Variants in CNTN1 observed in about 807,000 individuals in gnomAD.
CNTN1 encodes the protein contactin-1.
A neutral mutation model predicts 126.4 loss-of-function variants in CNTN1; 38 were observed. The observed-to-expected ratio is 0.30, with a 90% CI of 0.23 to 0.39. CNTN1 has a LOEUF of 0.39. CNTN1 is among the 10% of genes least tolerant of loss of function. CNTN1 has a pLI of 1.00. For missense variants in CNTN1, 1,009 were observed against 1,248.4 expected (o/e 0.81, Z 2.89); for synonymous variants, 413 against 422.6 (o/e 0.98, Z 0.28).
At chr12:40,696,929 A>G (rs1288144115) in intron 1 of CNTN1, among the ~76,000 whole-genome samples, 1 of 152,200 alleles carries the variant, frequency 6.6e-6, no homozygotes, top group African/African-American at 2.4e-5. Context: ...TTTACAGTGA[A>G]CATTCACTTT....
intron 1 of CNTN1, among the ~76,000 whole-genome samples, chr12:40,855,234 T>C (rs1421624359): frequency 6.6e-6 from 1 of 152,148 alleles, no homozygotes; most frequent in African/African-American, 2.4e-5. Context: ...CTCATATACT[T>C]GTGAATTGAC....
At chr12:40,734,761 A>G (rs1942578966) in intron 1 of CNTN1, among the ~76,000 whole-genome samples, 1 of 152,156 alleles carries the variant, frequency 6.6e-6, no homozygotes. Context: ...ATATAACATA[A>G]TAAGCATGCT....
At chr12:41,069,694 C>CCTAA (rs1212487414) in intron 23 of CNTN1, among the ~76,000 whole-genome samples, 2 of 151,124 alleles carry the variant, frequency 1.3e-5, no homozygotes, top group African/African-American at 4.9e-5. Flanking sequence ...ACTGCTGGAT[C>CCTAA]ATAGGGACAG....
At chr12:40,959,383 C>G in intron 15 of CNTN1, 149 bp downstream of exon 15, 1 of 846,948 alleles carries the variant, frequency 1.2e-6, no homozygotes, top group South Asian at 1.5e-5. Context: ...TCTTCCCATG[C>G]CTAAGAATGA....
chr12:40,707,489 T>G (rs922973382), intron 1 of CNTN1, among the ~76,000 whole-genome samples: 1 of 152,066 alleles, frequency 6.6e-6, no homozygotes, highest in African/African-American at 2.4e-5. Flanking sequence ...CCTGACCTCA[T>G]GATCTGCCCG....
At chr12:41,031,790 G>A (rs762109566) in intron 23 of CNTN1, among the ~76,000 whole-genome samples, 61 of 152,048 alleles carry the variant, frequency 4.0e-4, no homozygotes, top group Non-Finnish European at 6.0e-4. Context: ...TAGAATTAAC[G>A]TTATGAAATG....
Position 40,744,835 on chromosome 12 carries a change from G to A in CNTN1, c.-77+52243G>A, listed in dbSNP as rs1297162787. ...TTTTGGTGCAAGAACTTCTCATGGA[G>A]GCGTTTAACACCTATGTTACATATC... On this transcript the variant is annotated intron_variant, in intron 1 of 23. Coordinates refer to ENST00000551295, the MANE Select transcript of CNTN1 (RefSeq NM_001843.4). Among the ~76,000 whole-genome samples, 8 of 152,164 alleles carry A rather than the reference G, an allele frequency of 5.3e-5. No homozygotes were observed. The South Asian group carries it at 1.7e-3, about 32-fold the overall frequency.
chr12:40,712,206 A>G (rs1302970823), intron 1 of CNTN1, among the ~76,000 whole-genome samples: 1 of 152,104 alleles, frequency 6.6e-6, no homozygotes, highest in African/African-American at 2.4e-5. Flanking sequence ...TTTCATCACT[A>G]ATTAACACTG....
At chr12:40,761,551 TTAGA>T (rs1409634886) in intron 1 of CNTN1, among the ~76,000 whole-genome samples, 5 of 152,262 alleles carry the variant, frequency 3.3e-5, no homozygotes, top group Admixed American at 6.5e-5. Context: ...ATTTTATTTC[TTAGA>T]TAGATCAGCT....
At chr12:40,861,575 G>A (rs1227407969) in intron 1 of CNTN1, among the ~76,000 whole-genome samples, 1 of 151,584 alleles carries the variant, frequency 6.6e-6, no homozygotes, top group African/African-American at 2.4e-5. Context: ...AAATACTGCT[G>A]GATTGCTCCC....
At chr12:41,003,802 C>T (rs896655178) in intron 17 of CNTN1, among the ~76,000 whole-genome samples, 1 of 151,942 alleles carries the variant, frequency 6.6e-6, no homozygotes, top group African/African-American at 2.4e-5. Context: ...TAATATCCCT[C>T]CTTGTCATTT....
chr12:40,933,973 T>C, intron 9 of CNTN1, 95 bp downstream of exon 9: 1 of 954,448 alleles, frequency 1.0e-6, no homozygotes, highest in South Asian at 1.5e-5. Flanking sequence ...GATTAATGGT[T>C]TTAAAAACAG....
chr12:40,932,378 C>T (rs1410821982), intron 7 of CNTN1, among the ~76,000 whole-genome samples: 1 of 147,722 alleles, frequency 6.8e-6, no homozygotes, highest in Non-Finnish European at 1.5e-5. Context: ...CTTCCTTAAT[C>T]TTCCACCATG....
At chr12:40,957,592 AAAATAAATAAAT>A (rs60750061) in intron 14 of CNTN1, among the ~76,000 whole-genome samples, 7 of 140,726 alleles carry the variant, frequency 5.0e-5, no homozygotes, top group East Asian at 4.1e-4. Context: ...TGGTATGACA[AAAATAAATAAAT>A]AAATAAATAA....
chr12:40,845,648 C>T (rs1942472340), intron 1 of CNTN1, among the ~76,000 whole-genome samples: 2 of 152,076 alleles, frequency 1.3e-5, no homozygotes, highest in African/African-American at 2.4e-5. Flanking sequence ...CATTTCCACC[C>T]GCCAGCCTCT....
At chr12:40,881,922 A>T (rs1481903158) in intron 1 of CNTN1, among the ~76,000 whole-genome samples, 1 of 151,786 alleles carries the variant, frequency 6.6e-6, no homozygotes, top group Non-Finnish European at 1.5e-5. Context: ...GTAAAATGTG[A>T]TTTGTTTTTG....
intron 6 of CNTN1, among the ~76,000 whole-genome samples, chr12:40,928,925 C>T (rs916290136): frequency 1.3e-5 from 2 of 151,982 alleles, no homozygotes; most frequent in Admixed American, 6.6e-5. Flanking sequence ...AAAATCCTAT[C>T]TAGTCTGACC....
chr12:40,978,359 C>T (rs900761555), intron 15 of CNTN1, among the ~76,000 whole-genome samples: 9 of 151,456 alleles, frequency 5.9e-5, no homozygotes, highest in African/African-American at 1.9e-4. Context: ...GAACCATTAC[C>T]GAGTAAAATT....
At chr12:40,813,028 CTCTTTCTTTCCTT>C (rs1329298001) in intron 1 of CNTN1, among the ~76,000 whole-genome samples, 6 of 33,842 alleles carry the variant, frequency 1.8e-4, no homozygotes, top group African/African-American at 4.2e-4. Context: ...TTCTTTCTTT[CTCTTTCTTTCCTT>C]TCTTTCTTTC....
Sources: gnomAD v4.1 joint callset for allele counts (sites outside exome capture counted in the v4.1 genomes callset) on GRCh38, gnomAD v4.1.1 for gene constraint, MANE v1.5 for transcripts, NCBI Gene and HGNC (gene_info 2026-07-23, HGNC 2026-07-21) for gene names.